PLEKHG1: variants seen among roughly 807,000 people sequenced by gnomAD.
The protein encoded by PLEKHG1 is pleckstrin homology and RhoGEF domain containing G1.
PLEKHG1 carries 44 observed loss-of-function variants against 100.8 expected under a neutral mutation model. That is an observed-to-expected ratio of 0.44 (90% CI 0.34 to 0.56). The LOEUF is 0.56. Among genes scored for constraint, PLEKHG1 ranks in the 20% least tolerant of loss-of-function variants. The pLI is 0.01. For missense variants in PLEKHG1, 1,545 were observed against 1,720.9 expected (o/e 0.90, Z 1.81); for synonymous variants, 640 against 662.5 (o/e 0.97, Z 0.52).
chr6:150,777,786 A>G (rs1223538648), intron 3 of PLEKHG1, among the ~76,000 whole-genome samples: 1 of 152,034 alleles, frequency 6.6e-6, no homozygotes, highest in African/African-American at 2.4e-5. Context: ...CCTGGTGCAC[A>G]TGTGCGGTTG....
intron 1 of PLEKHG1, among the ~76,000 whole-genome samples, chr6:150,634,920 C>G (rs1202609363): frequency 6.6e-6 from 1 of 152,138 alleles, no homozygotes; most frequent in Non-Finnish European, 1.5e-5. Flanking sequence ...GTTATTCTTC[C>G]AAGAAGAGTT....
intron 2 of PLEKHG1, among the ~76,000 whole-genome samples, chr6:150,762,685 T>C (rs1784227694): frequency 6.6e-6 from 1 of 152,176 alleles, no homozygotes; most frequent in South Asian, 2.1e-4. Context: ...GTATCCAGCC[T>C]AATGCAGTGG....
chr6:150,824,154 A>G (rs148629971), intron 14 of PLEKHG1, among the ~76,000 whole-genome samples: 81 of 152,384 alleles, frequency 5.3e-4, no homozygotes, highest in African/African-American at 1.9e-3. Flanking sequence ...GTATGATCGA[A>G]TGAGACTTTG....
chr6:150,763,722 G>A (rs1464484420), intron 2 of PLEKHG1, among the ~76,000 whole-genome samples: 1 of 152,182 alleles, frequency 6.6e-6, no homozygotes, highest in Non-Finnish European at 1.5e-5. Flanking sequence ...TCTGCAGAGG[G>A]AGCAGCCCAG....
At position 150,841,044 on chromosome 6, in the gene PLEKHG1, T is replaced by G. The variant is rs1325430872; in HGVS notation, c.*148T>G. On this transcript the variant is annotated 3_prime_UTR_variant, in exon 16 of 16. Coordinates refer to ENST00000358517, the Ensembl canonical transcript of PLEKHG1. ...ATACTTTCTTTTACAGCACAACTTT[T>G]GGAAATGGCTGACGATGCAGCCCGG... The G allele has an allele frequency of 4.1e-6, 3 of 724,302 alleles. No individual in the cohort carries two copies. The East Asian group carries it at 8.0e-5, about 19-fold the overall frequency. 44.9% of individuals were successfully genotyped at this position (724,302 alleles called of 1,614,324 possible). A position where few individuals can be genotyped will look rare whatever the true frequency, so the allele number is the denominator to read the frequency against.
intron 3 of PLEKHG1, among the ~76,000 whole-genome samples, chr6:150,677,984 G>A (rs1408982544): frequency 6.7e-6 from 1 of 148,190 alleles, no homozygotes; most frequent in Non-Finnish European, 1.5e-5. Flanking sequence ...CTGACTTTTT[G>A]TAGCAAAGTG....
chr6:150,840,449 C>T (rs751442256), exon 16 of PLEKHG1: 2 of 1,614,172 alleles, frequency 1.2e-6, no homozygotes, highest in Non-Finnish European at 1.7e-6. Context: ...CTGAAAAACT[C>T]TCAGATCTCA....
intron 2 of PLEKHG1, among the ~76,000 whole-genome samples, chr6:150,646,142 T>C (rs1284139535): frequency 6.6e-6 from 1 of 152,200 alleles, no homozygotes; most frequent in Non-Finnish European, 1.5e-5. Context: ...TGTACAAGCC[T>C]GTTTTACAGT....
intron 4 of PLEKHG1, among the ~76,000 whole-genome samples, chr6:150,791,696 G>A (rs996476986): frequency 4.7e-5 from 7 of 150,058 alleles, no homozygotes; most frequent in African/African-American, 1.2e-4. Context: ...AAAAAAAGAG[G>A]CTTCTTTGAA....
chr6:150,811,968 A>C (rs1055523788), intron 10 of PLEKHG1, among the ~76,000 whole-genome samples: 26 of 152,226 alleles, frequency 1.7e-4, no homozygotes, highest in Non-Finnish European at 5.9e-5. Flanking sequence ...AAAGGAGCTG[A>C]GCAGTGCTGC....
chr6:150,769,584 C>CAAAAAAAAAAAAAAAAAAA (rs5880898), intron 3 of PLEKHG1, among the ~76,000 whole-genome samples: 1 of 64,332 alleles, frequency 1.6e-5, no homozygotes, highest in African/African-American at 5.1e-5. Context: ...GACTCCATCT[C>CAAAAAAAAAAAAAAAAAAA]AAAAAAAAAA....
In PLEKHG1 at chr6:150,809,800, T is replaced by A. The variant is rs1787380620; in HGVS notation, c.1278+66T>A. 2.5e-6 allele frequency: 3 copies of A among 1,195,846 alleles called. No individual in the cohort carries two copies. In the East Asian group the frequency reaches 7.2e-5, roughly 29 times the overall value. The allele number at this position is 1,195,846 out of a possible 1,614,324, so 74.1% of individuals were successfully genotyped here. On this transcript the variant is annotated intron_variant, in intron 10 of 15. Transcript: ENST00000358517. ...ACAAGAATCATTTGAACCTGGGAGGTGGAGGTTACTGTGAGCCGAGATCAC... is the reference window on the plus strand; with the variant it reads ...ACAAGAATCATTTGAACCTGGGAGGAGGAGGTTACTGTGAGCCGAGATCAC...
intron 15 of PLEKHG1, among the ~76,000 whole-genome samples, chr6:150,839,445 AT>A (rs1391965872): frequency 2.2e-4 from 34 of 152,172 alleles, no homozygotes; most frequent in African/African-American, 7.5e-4. Flanking sequence ...GACTGCTTGA[AT>A]GATTTTTCAT....
At chr6:150,781,237 G>A (rs1434618997) in intron 3 of PLEKHG1, among the ~76,000 whole-genome samples, 4 of 149,052 alleles carry the variant, frequency 2.7e-5, no homozygotes, top group African/African-American at 4.9e-5. Context: ...GGGCACGGTG[G>A]CTCACACCTG....
At chr6:150,678,330 A>C (rs949004258) in intron 3 of PLEKHG1, among the ~76,000 whole-genome samples, 1 of 151,958 alleles carries the variant, frequency 6.6e-6, no homozygotes, top group Non-Finnish European at 1.5e-5. Context: ...TTTTAAAACT[A>C]TTCCCAATGA....
chr6:150,772,501 T>C (rs1784760296), intron 3 of PLEKHG1, among the ~76,000 whole-genome samples: 1 of 152,100 alleles, frequency 6.6e-6, no homozygotes, highest in African/African-American at 2.4e-5. Flanking sequence ...ATGCCTGTGG[T>C]CCTACTGCAC....
intron 3 of PLEKHG1, 29 bp downstream of exon 2, chr6:150,650,815 G>C (rs1043053636): frequency 6.6e-6 from 1 of 152,118 alleles, no homozygotes; most frequent in Admixed American, 6.5e-5. Flanking sequence ...TTTGCCCCTT[G>C]AGTATGAAAC....
Position 150,831,182 on chromosome 6 carries a change from G to T in PLEKHG1, c.2071G>T (p.Val691Phe), listed in dbSNP as rs368875530. Residue 691 changes from valine to phenylalanine, a missense_variant, in exon 15 of 16, where the codon GTT becomes TTT. Val to Phe is a conservative substitution (Grantham distance 50). Coordinates refer to ENST00000358517, the Ensembl canonical transcript of PLEKHG1. The surrounding 1 kb of genome is among the most constrained non-coding windows in gnomAD (Gnocchi z 4.1). ...TCCCTCTAAATCAGCCAGGGACTCC[G>T]TTCGCCCCAAGAGCACCCCAGAGTT... The T allele has an allele frequency of 2.3e-5, 37 of 1,614,102 alleles. No homozygotes were observed. The highest frequency in any genetic ancestry group is 2.8e-5 in the Non-Finnish European group (33 of 1,180,000).
At chr6:150,699,308 G>T (rs1274308441) in intron 3 of PLEKHG1, among the ~76,000 whole-genome samples, 2 of 152,214 alleles carry the variant, frequency 1.3e-5, no homozygotes, top group Admixed American at 1.3e-4. Flanking sequence ...TGAAGTCTCT[G>T]GTGCCTGGCA....
Sources: allele counts gnomAD v4.1 joint callset (sites outside exome capture counted in the v4.1 genomes callset), GRCh38; gene constraint gnomAD v4.1.1; non-coding constraint Gnocchi (gnomAD v3.1); transcripts MANE v1.5; gene names NCBI Gene and HGNC (gene_info 2026-07-23, HGNC 2026-07-21).